COL11A1: variants seen among roughly 807,000 people sequenced by gnomAD.
COL11A1 encodes collagen type XI alpha 1 chain.
COL11A1 carries 74 observed loss-of-function variants against 265.2 expected under a neutral mutation model. The observed-to-expected ratio is 0.28, with a 90% CI of 0.23 to 0.34. The LOEUF is 0.34. COL11A1 is among the 10% of genes least tolerant of loss of function. The pLI is 1.00. For missense variants in COL11A1, 2,165 were observed against 2,263.6 expected (o/e 0.96, Z 0.88); for synonymous variants, 816 against 727.6 (o/e 1.12, Z -1.96).
intron 14 of COL11A1, 131 bp from the exon 15 acceptor site, chr1:103,008,647 T>C: frequency 1.2e-6 from 1 of 829,152 alleles, no homozygotes; most frequent in East Asian, 2.7e-5. Context: ...AACTTATTAA[T>C]TAACACAGTA....
chr1:103,054,122 CTAA>C (rs1470732576), intron 4 of COL11A1, among the ~76,000 whole-genome samples: 1 of 152,132 alleles, frequency 6.6e-6, no homozygotes, highest in African/African-American at 2.4e-5. Flanking sequence ...ACATTTTTAC[CTAA>C]TGTTTGTTGT....
At position 102,992,208 on chromosome 1, in the gene COL11A1, A is replaced by G. The variant is rs549659471; in HGVS notation, c.2341-2637T>C. ...AGATGATTTAATTAGGTATTTCCTT[A>G]TAACAAATGTCATTTTTTAGCAAGT... is the stretch of plus-strand genomic sequence containing the variant. On this transcript the variant is annotated intron_variant, in intron 28 of 66. Coordinates refer to ENST00000370096, the MANE Select transcript of COL11A1 (RefSeq NM_001854.4). Among the ~76,000 whole-genome samples the G allele has an allele frequency of 4.6e-5, 7 of 152,270 alleles. No homozygotes were observed. The South Asian group carries it at 8.3e-4, about 18-fold the overall frequency.
chr1:103,056,091 A>G (rs1377832613), intron 4 of COL11A1, among the ~76,000 whole-genome samples: 4 of 152,146 alleles, frequency 2.6e-5, no homozygotes, highest in Non-Finnish European at 5.9e-5. Flanking sequence ...ATATTTTATC[A>G]AGGTTTTGTC....
intron 4 of COL11A1, among the ~76,000 whole-genome samples, chr1:103,054,239 A>G (rs1388744872): frequency 1.3e-5 from 2 of 152,264 alleles, no homozygotes; most frequent in African/African-American, 4.8e-5. Context: ...AACAGATTCC[A>G]GACAATATTT....
chr1:102,958,306 C>G (rs1355969440), intron 41 of COL11A1, among the ~76,000 whole-genome samples: 1 of 151,878 alleles, frequency 6.6e-6, no homozygotes, highest in Non-Finnish European at 1.5e-5. Flanking sequence ...TAAAGAAATC[C>G]CTACTCCTGA....
intron 36 of COL11A1, among the ~76,000 whole-genome samples, chr1:102,971,589 A>T (rs1159137595): frequency 6.6e-6 from 1 of 152,120 alleles, no homozygotes; most frequent in Admixed American, 6.5e-5. Flanking sequence ...GTTCTTATAG[A>T]GTGAGTATGA....
chr1:103,017,779 T>A, intron 11 of COL11A1, 41 bp downstream of exon 11: 1 of 1,491,976 alleles, frequency 6.7e-7, no homozygotes, highest in Non-Finnish European at 9.4e-7. Context: ...TAAGTCTGTA[T>A]GACATGCATT....
intron 14 of COL11A1, among the ~76,000 whole-genome samples, chr1:103,010,522 A>G (rs1666018489): frequency 6.6e-6 from 1 of 152,108 alleles, no homozygotes; most frequent in South Asian, 2.1e-4. Context: ...TCTCTGGAAA[A>G]TTGGCTGGCT....
At chr1:102,983,205 T>G (rs1663205521) in intron 31 of COL11A1, among the ~76,000 whole-genome samples, 1 of 151,780 alleles carries the variant, frequency 6.6e-6, no homozygotes, top group South Asian at 2.1e-4. Context: ...GAGGTAAATA[T>G]GCATTTTGAA....
intron 52 of COL11A1, 48 bp downstream of exon 52, chr1:102,914,304 G>T: frequency 7.1e-7 from 1 of 1,406,416 alleles, no homozygotes; most frequent in Non-Finnish European, 1.0e-6. Context: ...TACAGAAATT[G>T]GAAACATTCA....
At chr1:103,034,040 C>T (rs1382441582) in intron 4 of COL11A1, among the ~76,000 whole-genome samples, 2 of 152,070 alleles carry the variant, frequency 1.3e-5, no homozygotes, top group Admixed American at 1.3e-4. Flanking sequence ...TACTTCATGC[C>T]CTCCACAGTA....
chr1:103,013,661 A>T (rs1666314533), intron 13 of COL11A1, among the ~76,000 whole-genome samples: 1 of 151,952 alleles, frequency 6.6e-6, no homozygotes, highest in African/African-American at 2.4e-5. Flanking sequence ...ATTTTTACTC[A>T]TGTTTTCAGA....
intron 28 of COL11A1, among the ~76,000 whole-genome samples, chr1:102,991,970 T>C (rs1664183807): frequency 6.6e-6 from 1 of 152,006 alleles, no homozygotes; most frequent in African/African-American, 2.4e-5. Context: ...ATTGACAACG[T>C]CTTCATTACC....
chr1:103,075,273 G>A (rs1042131094), intron 3 of COL11A1, among the ~76,000 whole-genome samples: 3 of 152,136 alleles, frequency 2.0e-5, no homozygotes, highest in South Asian at 4.1e-4. Context: ...GCAAGTCAAC[G>A]TCCTAATTGT....
At chr1:102,922,982 T>C (rs1656167673) in intron 47 of COL11A1, among the ~76,000 whole-genome samples, 1 of 152,202 alleles carries the variant, frequency 6.6e-6, no homozygotes, top group South Asian at 2.1e-4. Context: ...TTATATGCAT[T>C]TCAAATTTTC....
chr1:102,889,560 T>C lies in COL11A1; in HGVS notation c.4359A>G (p.Gly1453=), dbSNP rs573203662. The C allele has an allele frequency of 5.0e-6, 8 of 1,611,780 alleles. No homozygotes were observed. Among genetic ancestry groups the C allele is most frequent in the Middle Eastern group, 1.7e-4 (1 of 6,048 alleles). ...KGDPGSKGEK[G]HPGLIGLIGP... is the part of the protein sequence containing the mutation. The stretch of plus-strand genomic sequence containing the variant: ...CAATCAGGCCAATTAAACCAGGATG[T>C]CCCTTTGAAAGGCAGAGAAAAAAAA... The change falls in exon 59 of 67, where the codon GGA becomes GGG. Residue 1453 remains glycine, a splice_region_variant and synonymous_variant. Transcript: ENST00000370096.
chr1:102,947,864 T>C (rs1273865666), intron 41 of COL11A1, among the ~76,000 whole-genome samples: 1 of 151,882 alleles, frequency 6.6e-6, no homozygotes, highest in East Asian at 1.9e-4. Flanking sequence ...CAAAAAATTG[T>C]CTTTGGATTC....
In COL11A1 at chr1:102,989,467, AT is replaced by A. The variant is rs1663908330; in HGVS notation, c.2394+50del. ...TTTAAAGATAAGCAAAGGAAAAAAT[AT>A]ATATATATATTAAATTTTGTGTACT... On this transcript the variant is annotated intron_variant, in intron 29 of 66. Transcript: ENST00000370096. 3.5e-6 allele frequency: 4 copies of A among 1,136,252 alleles called. 1 individual carries two copies. The African/African-American group carries it at 6.4e-5, about 18-fold the overall frequency. 70.4% of individuals were successfully genotyped at this position (1,136,252 alleles called of 1,614,324 possible). A position where few individuals can be genotyped will look rare whatever the true frequency, so the allele number is the denominator to read the frequency against.
chr1:102,923,766 G>A (rs986731243), intron 46 of COL11A1, among the ~76,000 whole-genome samples: 3 of 151,832 alleles, frequency 2.0e-5, no homozygotes, highest in African/African-American at 7.3e-5. Flanking sequence ...TAGTATATGA[G>A]GTTTTTATAG....
Sources: allele counts gnomAD v4.1 joint callset (sites outside exome capture counted in the v4.1 genomes callset), GRCh38; gene constraint gnomAD v4.1.1; transcripts MANE v1.5; gene names NCBI Gene and HGNC (gene_info 2026-07-23, HGNC 2026-07-21).